Variants in RBM34 observed in about 807,000 individuals in gnomAD.
The protein encoded by RBM34 is RNA-binding protein 34.
In RBM34, 39 loss-of-function variants were observed where a neutral mutation model predicts 44.6. That is an observed-to-expected ratio of 0.87 (90% CI 0.68 to 1.14). The LOEUF (loss-of-function observed/expected upper bound fraction) is 1.14. Among genes scored for constraint, RBM34 ranks in the 50% most tolerant of loss-of-function variants. The pLI is 0.00. For missense variants in RBM34, 572 were observed against 517.9 expected, an observed-to-expected ratio of 1.10 and a Z score of -1.01; for synonymous variants, 194 against 184.0, an observed-to-expected ratio of 1.05 and a Z score of -0.44.
intron 6 of RBM34, among the ~76,000 whole-genome samples, chr1:235,140,932 C>A (rs1488374290): frequency 1.3e-5 from 2 of 152,108 alleles, no homozygotes; most frequent in African/African-American, 2.4e-5. Flanking sequence ...TGTAAATACA[C>A]CAATCAGCAC....
chr1:235,154,346 C>A (rs1180350611), intron 4 of RBM34, among the ~76,000 whole-genome samples: 1 of 150,876 alleles, frequency 6.6e-6, no homozygotes, highest in African/African-American at 2.4e-5. Context: ...CTAAGGAGGG[C>A]AGATCACTTA....
At chr1:235,141,905 G>GT (rs1440349153) in intron 6 of RBM34, among the ~76,000 whole-genome samples, 1 of 152,234 alleles carries the variant, frequency 6.6e-6, no homozygotes, top group South Asian at 2.1e-4. Context: ...CTTAAGAGCT[G>GT]TAACACTCAC....
chr1:235,147,427 A>G (rs1020882701), intron 6 of RBM34, among the ~76,000 whole-genome samples: 2 of 152,196 alleles, frequency 1.3e-5, no homozygotes, highest in African/African-American at 4.8e-5. Flanking sequence ...TACAGAAATA[A>G]AAGTATGACT....
intron 5 of RBM34, among the ~76,000 whole-genome samples, chr1:235,150,114 G>A (rs1389479084): frequency 1.3e-5 from 2 of 152,084 alleles, no homozygotes; most frequent in Non-Finnish European, 2.9e-5. Flanking sequence ...TCGCTTTGTC[G>A]CCCAGGCTGG....
intron 4 of RBM34, among the ~76,000 whole-genome samples, chr1:235,153,359 T>C (rs1572164327): frequency 6.6e-6 from 1 of 152,134 alleles, no homozygotes; most frequent in African/African-American, 2.4e-5. Context: ...ACATGTAAAT[T>C]AAGGATAGAC....
intron 3 of RBM34, among the ~76,000 whole-genome samples, chr1:235,159,914 C>T (rs1325158028): frequency 5.3e-5 from 8 of 151,622 alleles, no homozygotes; most frequent in Middle Eastern, 6.8e-3. Context: ...TATATACATG[C>T]TGAAATATTT....
rs1661996769 is a variant in RBM34, at chr1:235,148,306, A to G, written c.701+98T>C. 3.5e-6 allele frequency: 3 copies of G among 856,398 alleles called. 1 individual carries two copies. Among genetic ancestry groups the G allele is most frequent in the South Asian group, 4.1e-5 (2 of 49,164 alleles). 53.0% of individuals were successfully genotyped at this position (856,398 alleles called of 1,614,324 possible). On this transcript the variant is annotated intron_variant, in intron 6 of 10. Coordinates refer to ENST00000408888, the MANE Select transcript of RBM34 (RefSeq NM_015014.4). Reference sequence around the variant, plus strand: ...CAATCATGCTCTATTATCCAAATATATTAATAAAATCTATGCAATTGTTAA... The same window carrying G: ...CAATCATGCTCTATTATCCAAATATGTTAATAAAATCTATGCAATTGTTAA...
chr1:235,158,785 G>A (rs184743169), intron 3 of RBM34, among the ~76,000 whole-genome samples: 86 of 152,126 alleles, frequency 5.7e-4, no homozygotes, highest in African/African-American at 1.7e-3. Flanking sequence ...ACACGTGATG[G>A]GATCACTATT....
At chr1:235,132,707 T>C (rs1045300158) in intron 10 of RBM34, among the ~76,000 whole-genome samples, 1 of 152,176 alleles carries the variant, frequency 6.6e-6, no homozygotes, top group Non-Finnish European at 1.5e-5. Flanking sequence ...AACGCTCCAT[T>C]ACGAGATGTT....
At chr1:235,132,833 C>T (rs1661273710) in intron 10 of RBM34, among the ~76,000 whole-genome samples, 1 of 152,060 alleles carries the variant, frequency 6.6e-6, no homozygotes, top group South Asian at 2.1e-4. Context: ...TGTTAAAGGA[C>T]TTTAGAAGCT....
intron 6 of RBM34, among the ~76,000 whole-genome samples, chr1:235,143,151 C>A (rs775247883): frequency 1.3e-5 from 2 of 152,168 alleles, no homozygotes; most frequent in Admixed American, 6.5e-5. Flanking sequence ...AGATGCCTAA[C>A]ATTTTTAGTC....
At position 235,144,922 on chromosome 1, in the gene RBM34, A is replaced by C. The variant is rs185450686; in HGVS notation, c.701+3482T>G. 1.1e-3 allele frequency among the ~76,000 whole-genome samples: 162 copies of C among 152,246 alleles called. No homozygotes were observed. In the Middle Eastern group the frequency reaches 0.031, roughly 29 times the overall value. On this transcript the variant is annotated intron_variant, in intron 6 of 10. Transcript: ENST00000408888. Reference sequence around the variant, plus strand: ...AGCCAGGTGTAGCGCACATGCCTGTAATCCCAGCTACTCAGTAGGCTGAGG... The same window carrying C: ...AGCCAGGTGTAGCGCACATGCCTGTCATCCCAGCTACTCAGTAGGCTGAGG...
Position 235,161,168 on chromosome 1 carries a change from A to C in RBM34, c.53+6T>G. ...TCCCCAGGTACTCGTGCCGCGCGCC[A>C]CTCACCCCTCCTGGACACTTCTCTT... On this transcript the variant is annotated splice_donor_region_variant and intron_variant, in intron 1 of 10. Transcript: ENST00000408888. 1 of 1,599,342 alleles carries C rather than the reference A, an allele frequency of 6.3e-7. No homozygotes were observed. The highest frequency in any genetic ancestry group is 8.5e-7 in the Non-Finnish European group (1 of 1,169,788).
At chr1:235,151,509 C>T (rs1017077897) in intron 5 of RBM34, among the ~76,000 whole-genome samples, 9 of 152,274 alleles carry the variant, frequency 5.9e-5, no homozygotes, top group Middle Eastern at 3.4e-3. Flanking sequence ...TAGAAGTGGG[C>T]AGTTGTGCCT....
intron 4 of RBM34, 61 bp from the exon 5 acceptor site, chr1:235,152,826 A>G: frequency 1.4e-6 from 2 of 1,397,986 alleles, no homozygotes; most frequent in Middle Eastern, 2.2e-4. Flanking sequence ...AAGTGCTACA[A>G]AAAGGAATTA....
intron 3 of RBM34, among the ~76,000 whole-genome samples, chr1:235,157,765 C>G (rs191578927): frequency 6.6e-6 from 1 of 152,288 alleles, no homozygotes; most frequent in East Asian, 1.9e-4. Context: ...AATCCGGTAG[C>G]TTCAACAAGA....
chr1:235,152,573 T>C lies in RBM34; in HGVS notation c.657+133A>G. 4 of 1,432,720 alleles carry C rather than the reference T, an allele frequency of 2.8e-6. No individual in the cohort carries two copies. In the South Asian group the frequency reaches 4.7e-5, roughly 17 times the overall value. The allele number at this position is 1,432,720 out of a possible 1,614,324, so 88.8% of individuals were successfully genotyped here. ...CAGTAGATAGTAAGAGCAACTCTTTTCTTGGGTTAAATTTGAACCTATTGA... is the reference window on the plus strand; with the variant it reads ...CAGTAGATAGTAAGAGCAACTCTTTCCTTGGGTTAAATTTGAACCTATTGA... On this transcript the variant is annotated intron_variant, in intron 5 of 10. Coordinates refer to ENST00000408888, the MANE Select transcript of RBM34 (RefSeq NM_015014.4).
In RBM34 at chr1:235,160,658, G is replaced by C. The variant is rs370424783; in HGVS notation, c.229-11C>G. ...TTTTTTGATGGTTTGCTTTTTAAAAGTTTGAAGTTATATTTGAGACCCCAT... is the reference window on the plus strand; with the variant it reads ...TTTTTTGATGGTTTGCTTTTTAAAACTTTGAAGTTATATTTGAGACCCCAT... On this transcript the variant is annotated splice_polypyrimidine_tract_variant and intron_variant, in intron 2 of 10. Coordinates refer to ENST00000408888, the MANE Select transcript of RBM34 (RefSeq NM_015014.4). 3 of 1,608,460 alleles carry C rather than the reference G, an allele frequency of 1.9e-6. No individual in the cohort carries two copies. The highest frequency in any genetic ancestry group is 2.5e-6 in the Non-Finnish European group (3 of 1,178,300).
intron 6 of RBM34, among the ~76,000 whole-genome samples, chr1:235,143,221 A>G (rs1468715986): frequency 6.6e-6 from 1 of 152,210 alleles, no homozygotes; most frequent in African/African-American, 2.4e-5. Context: ...AGTGCTGGTG[A>G]GGATGTGAAG....
Sources: gnomAD v4.1 joint callset for allele counts (sites outside exome capture counted in the v4.1 genomes callset) on GRCh38, gnomAD v4.1.1 for gene constraint, MANE v1.5 for transcripts, NCBI Gene and HGNC (gene_info 2026-07-23, HGNC 2026-07-21) for gene names.